The following ZFR variants were observed in gnomAD, a reference collection of about 807,000 sequenced individuals.
ZFR encodes the protein zinc finger RNA binding protein.
Under a neutral mutation model 130.7 loss-of-function variants are expected in ZFR, and 19 were observed. That is an observed-to-expected ratio of 0.15 (90% CI 0.10 to 0.21). ZFR has a LOEUF of 0.21. ZFR is among the 10% of genes least tolerant of loss of function. ZFR has a pLI of 1.00. For synonymous variants in ZFR, 466 were observed against 456.9 expected (o/e 1.02, Z -0.25); for missense variants, 872 against 1,321.5 (o/e 0.66, Z 5.27).
chr5:32,378,357 T>C (rs1752869367), intron 17 of ZFR, among the ~76,000 whole-genome samples: 1 of 152,192 alleles, frequency 6.6e-6, no homozygotes, highest in Admixed American at 6.5e-5. Context: ...TTAAGAAAGT[T>C]TTAAATTGTA....
At chr5:32,430,913 T>C (rs1754197012) in intron 2 of ZFR, among the ~76,000 whole-genome samples, 1 of 151,928 alleles carries the variant, frequency 6.6e-6, no homozygotes, top group East Asian at 1.9e-4. Context: ...CTGTCTCTAC[T>C]AAAAAATACA....
intron 15 of ZFR, chr5:32,383,916 G>C: frequency 5.2e-6 from 2 of 383,026 alleles, no homozygotes; most frequent in Non-Finnish European, 1.1e-5. Context: ...TTCCATTTTG[G>C]ACTGACCATT....
chr5:32,375,485 A>G (rs937962594), intron 17 of ZFR, among the ~76,000 whole-genome samples: 9 of 152,336 alleles, frequency 5.9e-5, no homozygotes, highest in South Asian at 2.1e-4. Context: ...TATTGGAAAG[A>G]AGGCAAAATA....
At chr5:32,375,427 C>T (rs74544593) in intron 17 of ZFR, among the ~76,000 whole-genome samples, 2,548 of 152,086 alleles carry the variant, frequency 0.017, 37 homozygotes, top group Non-Finnish European at 0.026. Flanking sequence ...TCTTTTATTC[C>T]GTATTTGTTA....
At chr5:32,408,899 G>A (rs1249670126) in intron 5 of ZFR, among the ~76,000 whole-genome samples, 1 of 152,036 alleles carries the variant, frequency 6.6e-6, no homozygotes, top group Admixed American at 6.6e-5. Context: ...GTCTAAGAAG[G>A]CTTTTCTCAA....
At chr5:32,422,072 T>C (rs954156275) in intron 2 of ZFR, among the ~76,000 whole-genome samples, 11 of 152,064 alleles carry the variant, frequency 7.2e-5, no homozygotes, top group African/African-American at 2.4e-4. Flanking sequence ...AAGAGTAATT[T>C]TGGTTATATA....
intron 5 of ZFR, among the ~76,000 whole-genome samples, chr5:32,413,050 G>C (rs1301260656): frequency 6.6e-6 from 1 of 152,068 alleles, no homozygotes; most frequent in Non-Finnish European, 1.5e-5. Context: ...TTAGCCAGGC[G>C]TGGTGGCGCA....
chr5:32,400,876 T>G (rs961080932), intron 8 of ZFR, among the ~76,000 whole-genome samples: 1 of 152,182 alleles, frequency 6.6e-6, no homozygotes, highest in African/African-American at 2.4e-5. Flanking sequence ...ATCTAGGTCA[T>G]GCCCTACAAT....
intron 17 of ZFR, among the ~76,000 whole-genome samples, chr5:32,370,341 GAGAGAGAGAGAGAC>G (rs1435376435): frequency 5.1e-3 from 7 of 1,366 alleles, no homozygotes; most frequent in Admixed American, 0.011. Flanking sequence ...GAGAGAGAGA[GAGAGAGAGAGAGAC>G]AGACAGACAG....
chr5:32,431,553 T>C (rs187165100), intron 2 of ZFR, among the ~76,000 whole-genome samples: 4 of 152,302 alleles, frequency 2.6e-5, no homozygotes, highest in East Asian at 1.9e-4. Context: ...GAAAACATAC[T>C]GTGTGTGTGC....
chr5:32,359,338 C>T (rs531798995), intron 19 of ZFR, among the ~76,000 whole-genome samples: 1 of 151,646 alleles, frequency 6.6e-6, no homozygotes, highest in South Asian at 2.1e-4. Flanking sequence ...CATCAACTAT[C>T]ATTAGTGTCA....
At chr5:32,410,767 T>C (rs575982435) in intron 5 of ZFR, among the ~76,000 whole-genome samples, 2 of 152,334 alleles carry the variant, frequency 1.3e-5, no homozygotes, top group South Asian at 2.1e-4. Context: ...CTCATTTTAC[T>C]AAGATAAAGA....
chr5:32,425,004 A>G (rs1754042975), intron 2 of ZFR, among the ~76,000 whole-genome samples: 1 of 152,238 alleles, frequency 6.6e-6, no homozygotes, highest in Admixed American at 6.5e-5. Flanking sequence ...CTAGAAATGG[A>G]GTATACTCTC....
At chr5:32,419,699 C>CT in intron 3 of ZFR, 122 bp downstream of exon 3, 2 of 1,448,856 alleles carry the variant, frequency 1.4e-6, no homozygotes, top group Middle Eastern at 2.3e-4. Flanking sequence ...TTACTTTTCT[C>CT]TATCAGTACA....
At chr5:32,367,343 G>C (rs1051665374) in intron 17 of ZFR, among the ~76,000 whole-genome samples, 1 of 151,978 alleles carries the variant, frequency 6.6e-6, no homozygotes, top group Non-Finnish European at 1.5e-5. Context: ...GCTGAGGCAG[G>C]AGAATCACTT....
At chr5:32,411,709 A>AGGGG (rs201115882) in intron 5 of ZFR, among the ~76,000 whole-genome samples, 2 of 73,116 alleles carry the variant, frequency 2.7e-5, no homozygotes, top group African/African-American at 1.4e-4. Flanking sequence ...AAAAAAATTG[A>AGGGG]GGGGGGGCGG....
At chr5:32,415,509 T>C (rs1187993375) in intron 4 of ZFR, among the ~76,000 whole-genome samples, 14 of 93,930 alleles carry the variant, frequency 1.5e-4, no homozygotes, top group East Asian at 1.2e-3. Flanking sequence ...TGTGTGTGTG[T>C]GTGTGTGCGC....
chr5:32,375,656 GC>G (rs1561868488), intron 17 of ZFR, among the ~76,000 whole-genome samples: 1 of 151,880 alleles, frequency 6.6e-6, no homozygotes, highest in Non-Finnish European at 1.5e-5. Flanking sequence ...ACAAGCACAT[GC>G]CACCATGCCG....
At chr5:32,386,776 C>T (rs1202255727) in intron 14 of ZFR, among the ~76,000 whole-genome samples, 1 of 152,070 alleles carries the variant, frequency 6.6e-6, no homozygotes, top group Non-Finnish European at 1.5e-5. Flanking sequence ...TCATCAGTTG[C>T]TCTGCTACAG....
Sources: gnomAD v4.1 joint callset for allele counts (sites outside exome capture counted in the v4.1 genomes callset) on GRCh38, gnomAD v4.1.1 for gene constraint, MANE v1.5 for transcripts, NCBI Gene and HGNC (gene_info 2026-07-23, HGNC 2026-07-21) for gene names.